Variants in USP22 observed in about 807,000 individuals in gnomAD.
USP22 encodes the protein ubiquitin specific peptidase 22.
Under a neutral mutation model 68.1 loss-of-function variants are expected in USP22, and 22 were observed. That is an observed-to-expected ratio of 0.32 (90% CI 0.23 to 0.46). The LOEUF is 0.46. Ranked by LOEUF, USP22 falls within the 20% of genes least tolerant of loss-of-function variation. The pLI, the probability that USP22 is intolerant of heterozygous loss-of-function variation, is 1.00. For missense variants in USP22, 433 were observed against 695.8 expected, an observed-to-expected ratio of 0.62 and a Z score of 4.25; for synonymous variants, 279 against 274.2, an observed-to-expected ratio of 1.02 and a Z score of -0.17.
At chr17:21,029,533 ATAG>A (rs1972263609) in intron 1 of USP22, among the ~76,000 whole-genome samples, 1 of 152,258 alleles carries the variant, frequency 6.6e-6, no homozygotes, top group South Asian at 2.1e-4. Flanking sequence ...TATGCTTATC[ATAG>A]TAGTAACTAA....
At chr17:21,015,994 T>C (rs1455652390) in intron 5 of USP22, 95 bp from the exon 6 acceptor site, 8 of 1,427,848 alleles carry the variant, frequency 5.6e-6, no homozygotes, top group Non-Finnish European at 6.5e-6. Flanking sequence ...ATGCCTACCA[T>C]TGGCTGTGGC....
intron 8 of USP22, among the ~76,000 whole-genome samples, chr17:21,009,730 G>C (rs544009082): frequency 6.6e-6 from 1 of 152,144 alleles, no homozygotes; most frequent in Non-Finnish European, 1.5e-5. Context: ...CAAGGCAGGC[G>C]GATCACCTAA....
intron 1 of USP22, among the ~76,000 whole-genome samples, chr17:21,033,094 G>A (rs1360467570): frequency 6.6e-6 from 1 of 152,138 alleles, no homozygotes; most frequent in Non-Finnish European, 1.5e-5. Context: ...GGACCGTGGA[G>A]GGGTGGCACT....
intron 11 of USP22, 23 bp from the exon 12 acceptor site, chr17:21,004,374 G>A (rs1913705862): frequency 6.2e-7 from 1 of 1,611,226 alleles, no homozygotes; most frequent in Non-Finnish European, 8.5e-7. Flanking sequence ...CAAAGGAGAG[G>A]GAGGGCGCAG....
At chr17:21,007,841 C>T (rs761761735) in intron 9 of USP22, 29 bp downstream of exon 9, 33 of 1,613,944 alleles carry the variant, frequency 2.0e-5, no homozygotes, top group Non-Finnish European at 2.6e-5. Context: ...CTAAGTCTGC[C>T]ATTAGAGTTG....
Position 21,017,987 on chromosome 17 carries a change from G to A in USP22, c.645C>T (p.Ser215=), listed in dbSNP as rs1450540380. The change falls in exon 5 of 13, where the codon AGC becomes AGT. Residue 215 remains serine, a synonymous_variant. Transcript: ENST00000261497. ...TCTCACAGACCAGACAGGAGCTGGG[G>A]CTCTGCATCTCACAGCGGTGCCTGT... ...LSDRHRCEMQ[S]PSSCLVCEMS... 2.5e-6 allele frequency: 4 copies of A among 1,614,024 alleles called. No individual in the cohort carries two copies. In the East Asian group the frequency reaches 8.9e-5, roughly 36 times the overall value.
At chr17:21,036,428 G>A (rs893707217) in intron 1 of USP22, among the ~76,000 whole-genome samples, 3 of 151,894 alleles carry the variant, frequency 2.0e-5, no homozygotes, top group African/African-American at 7.3e-5. Flanking sequence ...TCCGCCAAGA[G>A]GGGTGGGGAG....
At chr17:21,019,568 A>C (rs1244183824) in intron 3 of USP22, among the ~76,000 whole-genome samples, 1 of 152,246 alleles carries the variant, frequency 6.6e-6, no homozygotes, top group Non-Finnish European at 1.5e-5. Flanking sequence ...TGAAGGAGAG[A>C]GCTTGCACTT....
At chr17:21,019,018 A>C in intron 4 of USP22, 66 bp downstream of exon 4, 1 of 1,525,062 alleles carries the variant, frequency 6.6e-7, no homozygotes, top group African/African-American at 1.4e-5. Flanking sequence ...AGAAACCCAC[A>C]ATTCTGTATT....
chr17:21,003,076 G>A lies in USP22; in HGVS notation c.1536-3C>T, dbSNP rs1012447342. ...GTTTGTGATAGAACAGCAAGTACCTGTGGAGGCAGAGAGAGGGAGGAGGCT... is the reference window on the plus strand; with the variant it reads ...GTTTGTGATAGAACAGCAAGTACCTATGGAGGCAGAGAGAGGGAGGAGGCT... On this transcript the variant is annotated splice_region_variant and splice_polypyrimidine_tract_variant and intron_variant, in intron 12 of 12. Transcript: ENST00000261497. 2.5e-6 allele frequency: 4 copies of A among 1,613,940 alleles called. No homozygotes were observed. The highest frequency in any genetic ancestry group is 1.1e-5 in the South Asian group (1 of 91,076).
intron 8 of USP22, among the ~76,000 whole-genome samples, chr17:21,009,885 G>A (rs1913896238): frequency 6.6e-6 from 1 of 152,030 alleles, no homozygotes; most frequent in South Asian, 2.1e-4. Context: ...AACCTGGGAG[G>A]TGGAGGTTGC....
intron 6 of USP22, among the ~76,000 whole-genome samples, chr17:21,015,477 C>A (rs1227382615): frequency 6.6e-6 from 1 of 152,098 alleles, no homozygotes; most frequent in Non-Finnish European, 1.5e-5. Flanking sequence ...CCCAAGAGGG[C>A]TCCAAGAGTT....
In USP22 at chr17:21,014,974, G is replaced by A. The variant is rs998818870; in HGVS notation, c.838+778C>T. Among the ~76,000 whole-genome samples the A allele has an allele frequency of 9.2e-5, 14 of 152,308 alleles. No homozygotes were observed. The East Asian group carries it at 1.5e-3, about 17-fold the overall frequency. On this transcript the variant is annotated intron_variant, in intron 6 of 12. Transcript: ENST00000261497. ...TGCTGAATCAGAAACGCCAGCACGG[G>A]CTTTAGGAAGACCTGCAAGTGACCA...
At chr17:21,022,213 A>T (rs569569950) in intron 2 of USP22, among the ~76,000 whole-genome samples, 1 of 152,332 alleles carries the variant, frequency 6.6e-6, no homozygotes, top group Admixed American at 6.5e-5. Flanking sequence ...AGTCACAAGA[A>T]ACTGTTCACA....
chr17:21,026,636 C>T (rs946298903), intron 2 of USP22, among the ~76,000 whole-genome samples: 1 of 147,904 alleles, frequency 6.8e-6, no homozygotes, highest in Non-Finnish European at 1.5e-5. Flanking sequence ...CATCTCACTT[C>T]TTTAAAAAAA....
chr17:21,006,507 AT>A (rs33994457), intron 10 of USP22: 325 of 139,072 alleles, frequency 2.3e-3, no homozygotes, highest in African/African-American at 4.4e-3. Flanking sequence ...ATCGACAGTC[AT>A]TTTTTTTTTT....
Position 21,002,981 on chromosome 17 carries a change from G to A in USP22, c.*50C>T, listed in dbSNP as rs145360694. 5,110 of 1,608,368 alleles carry A rather than the reference G, an allele frequency of 3.2e-3. 16 individuals carry two copies. Among genetic ancestry groups the A allele is most frequent in the Non-Finnish European group, 4.1e-3 (4,791 of 1,176,478 alleles). ...GGGGGGCCAGGGAGGATCACTTTGT[G>A]AGGCTTGCCAATGCATTGCCTTTGT... On this transcript the variant is annotated 3_prime_UTR_variant, in exon 13 of 13. Coordinates refer to ENST00000261497, the MANE Select transcript of USP22 (RefSeq NM_015276.2).
chr17:21,020,748 C>T (rs1353557508), intron 3 of USP22, among the ~76,000 whole-genome samples: 2 of 152,166 alleles, frequency 1.3e-5, no homozygotes, highest in Non-Finnish European at 2.9e-5. Flanking sequence ...TCACCTGTCC[C>T]CGAGAGGTGT....
At chr17:21,004,175 G>C in intron 12 of USP22, 27 bp downstream of exon 12, 3 of 1,610,904 alleles carry the variant, frequency 1.9e-6, no homozygotes, top group Non-Finnish European at 2.5e-6. Flanking sequence ...CCACCGTAGG[G>C]CCTTCCTCCC....
Sources: allele counts gnomAD v4.1 joint callset (sites outside exome capture counted in the v4.1 genomes callset), GRCh38; gene constraint gnomAD v4.1.1; transcripts MANE v1.5; gene names NCBI Gene and HGNC (gene_info 2026-07-23, HGNC 2026-07-21).